Variants in CIMAP1D observed in about 807,000 individuals in gnomAD.
The protein encoded by CIMAP1D is CIMAP1 family member D.
the CIMAP1D span, among the ~76,000 whole-genome samples, chr19:478,737 G>A: frequency 2.0e-5 from 3 of 152,288 alleles, no homozygotes; most frequent in Admixed American, 2.0e-4. Flanking sequence ...ATGAGAGGCC[G>A]GAGGCCGGCC....
the CIMAP1D span, among the ~76,000 whole-genome samples, chr19:485,955 C>T: frequency 2.0e-5 from 3 of 152,226 alleles, no homozygotes; most frequent in East Asian, 1.9e-4. Flanking sequence ...CAGACTCACG[C>T]GCCCTGCTGC....
chr19:490,107 G>C, the CIMAP1D span: 1 of 396,384 alleles, frequency 2.5e-6, no homozygotes. Flanking sequence ...TGTAATCCCA[G>C]CACTGTGGGA....
the CIMAP1D span, among the ~76,000 whole-genome samples, chr19:491,204 G>T: frequency 6.6e-6 from 1 of 152,142 alleles, no homozygotes; most frequent in Non-Finnish European, 1.5e-5. Flanking sequence ...TTGAACCCAG[G>T]AGGCGGAGGT....
chr19:486,350 G>A, the CIMAP1D span, among the ~76,000 whole-genome samples: 3 of 152,032 alleles, frequency 2.0e-5, no homozygotes, highest in African/African-American at 7.2e-5. Flanking sequence ...TGATACACCC[G>A]GTCCAACTCC....
At chr19:463,858 C>G in the CIMAP1D span, 1 of 1,609,056 alleles carries the variant, frequency 6.2e-7, no homozygotes, top group Non-Finnish European at 8.5e-7. Context: ...CAGCAGCGGC[C>G]GGGCAGCCTG....
chr19:484,066 G>C, the CIMAP1D span, among the ~76,000 whole-genome samples: 1 of 151,988 alleles, frequency 6.6e-6, no homozygotes, highest in East Asian at 1.9e-4. Context: ...CTTCTAGCTC[G>C]GAACAACCGC....
At chr19:479,545 C>T in the CIMAP1D span, among the ~76,000 whole-genome samples, 1 of 152,080 alleles carries the variant, frequency 6.6e-6, no homozygotes, top group Non-Finnish European at 1.5e-5. Context: ...GCTGGGATTA[C>T]AGGCGTGCGC....
the CIMAP1D span, among the ~76,000 whole-genome samples, chr19:475,629 G>C: frequency 1.3e-5 from 2 of 152,154 alleles, no homozygotes; most frequent in Non-Finnish European, 2.9e-5. Flanking sequence ...AGATGCCTCC[G>C]AGATTTAAAC....
the CIMAP1D span, among the ~76,000 whole-genome samples, chr19:466,505 A>G: frequency 6.9e-6 from 1 of 144,916 alleles, no homozygotes; most frequent in Non-Finnish European, 1.5e-5. Context: ...GGTTAGGTAG[A>G]TGGTGGATGG....
chr19:469,652 C>G, the CIMAP1D span, among the ~76,000 whole-genome samples: 1 of 152,096 alleles, frequency 6.6e-6, no homozygotes, highest in Non-Finnish European at 1.5e-5. Flanking sequence ...GATCGCACCA[C>G]TGCACTCCAG....
At chr19:467,576 G>A in the CIMAP1D span, 1 of 931,180 alleles carries the variant, frequency 1.1e-6, no homozygotes, top group East Asian at 2.4e-5. Context: ...GAGGGGGAGG[G>A]AGGACAGGGC....
the CIMAP1D span, among the ~76,000 whole-genome samples, chr19:475,603 G>A: frequency 5.3e-5 from 8 of 152,186 alleles, no homozygotes; most frequent in East Asian, 3.9e-4. Context: ...GGTGAGAGCC[G>A]TCCTCACTGC....
the CIMAP1D span, chr19:490,045 T>C: frequency 2.5e-6 from 1 of 398,448 alleles, no homozygotes. Flanking sequence ...TGGTAGTAAG[T>C]AAAATAAATC....
the CIMAP1D span, among the ~76,000 whole-genome samples, chr19:478,398 T>A: frequency 1.1e-4 from 17 of 152,224 alleles, no homozygotes. Flanking sequence ...TTCCCCATTT[T>A]ACGTGGGGTG....
At chr19:475,864 C>T in the CIMAP1D span, among the ~76,000 whole-genome samples, 3 of 151,696 alleles carry the variant, frequency 2.0e-5, no homozygotes, top group Non-Finnish European at 4.4e-5. Context: ...ACCTCTGCCT[C>T]CCGGGTTTAT....
chr19:488,798 C>T, the CIMAP1D span, among the ~76,000 whole-genome samples: 1 of 152,344 alleles, frequency 6.6e-6, no homozygotes, highest in Non-Finnish European at 1.5e-5. Flanking sequence ...GCTCCTTGGG[C>T]GAACGGCCAG....
At chr19:467,574 G>A in the CIMAP1D span, 2 of 917,028 alleles carry the variant, frequency 2.2e-6, no homozygotes, top group African/African-American at 1.6e-5. Context: ...AAGAGGGGGA[G>A]GGAGGACAGG....
the CIMAP1D span, chr19:489,388 A>C: frequency 7.0e-6 from 1 of 142,652 alleles, no homozygotes; most frequent in Non-Finnish European, 1.5e-5. Context: ...CGCGGCCCCG[A>C]CCTCTGACCC....
the CIMAP1D span, among the ~76,000 whole-genome samples, chr19:477,954 C>T: frequency 1.3e-5 from 2 of 152,212 alleles, no homozygotes; most frequent in African/African-American, 2.4e-5. Flanking sequence ...GTCTCCACCT[C>T]GGCCTCTGCC....
Sources: allele counts gnomAD v4.1 joint callset (sites outside exome capture counted in the v4.1 genomes callset), GRCh38; gene constraint gnomAD v4.1.1; transcripts MANE v1.5; gene names NCBI Gene and HGNC (gene_info 2026-07-23, HGNC 2026-07-21).